Variants in DCAF16 observed in about 807,000 individuals in gnomAD.
The protein encoded by DCAF16 is DDB1 and CUL4 associated factor 16.
A neutral mutation model predicts 17.3 loss-of-function variants in DCAF16; 10 were observed. The ratio of observed to expected loss-of-function variants is 0.58; its 90% CI spans 0.36 to 0.98. The LOEUF is 0.98. Among genes scored for constraint, DCAF16 ranks in the 50% least tolerant of loss-of-function variants. DCAF16 has a pLI of 0.01. For synonymous variants in DCAF16, 111 were observed against 92.8 expected (o/e 1.20, Z -1.12); for missense variants, 249 against 247.6 (o/e 1.01, Z -0.04).
At position 17,804,328 on chromosome 4, in the gene DCAF16, T is replaced by C. The variant is rs1226774162; in HGVS notation, c.-187A>G. On this transcript the variant is annotated 5_prime_UTR_variant, in exon 3 of 3. Transcript: ENST00000382247. ...ACTGTGCCGTTCTTCAAGATTATGTTGTATATTCTTCACTTACAAAGAAGA... is the reference window on the plus strand; with the variant it reads ...ACTGTGCCGTTCTTCAAGATTATGTCGTATATTCTTCACTTACAAAGAAGA... The C allele has an allele frequency of 3.3e-6, 2 of 611,864 alleles. No homozygotes were observed. Among genetic ancestry groups the C allele is most frequent in the Non-Finnish European group, 5.9e-6 (2 of 339,914 alleles). 37.9% of individuals were successfully genotyped at this position (611,864 alleles called of 1,614,324 possible).
At chr4:17,793,941 C>T in the DCAF16 span, among the ~76,000 whole-genome samples, 1 of 152,046 alleles carries the variant, frequency 6.6e-6, no homozygotes, top group Non-Finnish European at 1.5e-5. Flanking sequence ...GCATACATAT[C>T]ACTTGCAAGT....
chr4:17,798,208 C>T (rs774296541), downstream of DCAF16, among the ~76,000 whole-genome samples: 9 of 151,724 alleles, frequency 5.9e-5, no homozygotes, highest in Non-Finnish European at 1.0e-4. Context: ...CAGTCAACTT[C>T]GTTTTATGAT....
chr4:17,800,193 A>C (rs1157269958), downstream of DCAF16, among the ~76,000 whole-genome samples: 38 of 152,116 alleles, frequency 2.5e-4, no homozygotes, highest in Admixed American at 2.5e-3. Flanking sequence ...AGAAAGTAAA[A>C]GACAGTTAAT....
chr4:17,794,270 T>C, the DCAF16 span, among the ~76,000 whole-genome samples: 1 of 152,196 alleles, frequency 6.6e-6, no homozygotes, highest in African/African-American at 2.4e-5. Flanking sequence ...ATCTTTGGGA[T>C]GGGAAGTCTA....
At chr4:17,793,796 A>G in the DCAF16 span, among the ~76,000 whole-genome samples, 2 of 152,226 alleles carry the variant, frequency 1.3e-5, no homozygotes, top group Non-Finnish European at 1.5e-5. Context: ...ACATGTAAAA[A>G]AATCAAGTAC....
chr4:17,798,618 T>C (rs1719542610), downstream of DCAF16, among the ~76,000 whole-genome samples: 1 of 151,826 alleles, frequency 6.6e-6, no homozygotes, highest in Non-Finnish European at 1.5e-5. Context: ...ATAATAATAA[T>C]AATAAAAGAA....
chr4:17,797,247 TA>T (rs1482046266), downstream of DCAF16, among the ~76,000 whole-genome samples: 31 of 152,344 alleles, frequency 2.0e-4, no homozygotes, highest in African/African-American at 7.2e-4. Context: ...AACATATTTA[TA>T]GGGTTGCAGA....
At position 17,810,606 on chromosome 4, in the gene DCAF16, C is replaced by G. The variant is rs1457317660; in HGVS notation, c.-909G>C. 1 of 152,786 alleles carries G rather than the reference C, an allele frequency of 6.5e-6. No individual in the cohort carries two copies. Among genetic ancestry groups the G allele is most frequent in the Non-Finnish European group, 1.5e-5 (1 of 68,438 alleles). The allele number at this position is 152,786 out of a possible 1,614,324, so 9.5% of individuals were successfully genotyped here. On this transcript the variant is annotated 5_prime_UTR_variant, in exon 1 of 3. Transcript: ENST00000382247. The stretch of plus-strand genomic sequence containing the variant: ...CTTCGGCCACAAGGGAGGTTGTTAT[C>G]CTCGGCAGATCTCCCGTTCTCACTC...
downstream of DCAF16, among the ~76,000 whole-genome samples, chr4:17,800,173 A>G (rs1669988917): frequency 6.6e-6 from 1 of 151,146 alleles, no homozygotes; most frequent in East Asian, 1.9e-4. Context: ...AAAGTTGCCT[A>G]TCTGCACTGA....
downstream of DCAF16, among the ~76,000 whole-genome samples, chr4:17,799,438 T>C (rs1719590667): frequency 6.6e-6 from 1 of 152,276 alleles, no homozygotes; most frequent in Non-Finnish European, 1.5e-5. Flanking sequence ...TCCCAGTGTC[T>C]GCACTAGAGT....
chr4:17,797,094 C>G (rs940071772), downstream of DCAF16, among the ~76,000 whole-genome samples: 1 of 152,086 alleles, frequency 6.6e-6, no homozygotes, highest in African/African-American at 2.4e-5. Context: ...TCCTGAGTAG[C>G]TAGGACTACG....
At chr4:17,799,212 A>C (rs970701948), downstream of DCAF16, among the ~76,000 whole-genome samples, 1 of 152,184 alleles carries the variant, frequency 6.6e-6, no homozygotes, top group Non-Finnish European at 1.5e-5. Context: ...TGCCCTCCAG[A>C]TGAATCTTCA....
chr4:17,806,307 G>T (rs1720317666), intron 1 of DCAF16, among the ~76,000 whole-genome samples: 1 of 151,976 alleles, frequency 6.6e-6, no homozygotes, highest in African/African-American at 2.4e-5. Context: ...CCTAAAAGTT[G>T]GTACTTTTAT....
the DCAF16 span, among the ~76,000 whole-genome samples, chr4:17,794,475 G>T: frequency 6.6e-6 from 1 of 152,034 alleles, no homozygotes; most frequent in African/African-American, 2.4e-5. Flanking sequence ...CAAATTTTTG[G>T]ATTAGGAATG....
chr4:17,799,373 T>C (rs544314022), downstream of DCAF16, among the ~76,000 whole-genome samples: 4 of 152,320 alleles, frequency 2.6e-5, no homozygotes, highest in African/African-American at 9.6e-5. Context: ...AACATATAGG[T>C]TCATATATTT....
chr4:17,800,317 T>C (rs1381559585), downstream of DCAF16, among the ~76,000 whole-genome samples: 3 of 152,216 alleles, frequency 2.0e-5, no homozygotes, highest in Non-Finnish European at 2.9e-5. Flanking sequence ...GAAGCCAACA[T>C]AGGGAGTGCA....
downstream of DCAF16, among the ~76,000 whole-genome samples, chr4:17,798,310 CTTTTTTTTTT>C (rs61478198): frequency 3.0e-5 from 4 of 131,252 alleles, no homozygotes; most frequent in South Asian, 7.2e-4. Flanking sequence ...TGTTATTTTC[CTTTTTTTTTT>C]TTTTTTTTTT....
downstream of DCAF16, among the ~76,000 whole-genome samples, chr4:17,796,117 T>A (rs1719414490): frequency 6.6e-6 from 1 of 152,216 alleles, no homozygotes; most frequent in Non-Finnish European, 1.5e-5. Flanking sequence ...CAATAAGGCT[T>A]CAGTCATCTG....
Position 17,801,252 on chromosome 4 carries a change from C to T in DCAF16, c.*2239G>A, listed in dbSNP as rs1719747029. 6.6e-6 allele frequency: 1 copy of T among 152,124 alleles called. No homozygotes were observed. Among genetic ancestry groups the T allele is most frequent in the Admixed American group, 6.6e-5 (1 of 15,266 alleles). The allele number at this position is 152,124 out of a possible 1,614,324, so 9.4% of individuals were successfully genotyped here. A position where few individuals can be genotyped will look rare whatever the true frequency, so the allele number is the denominator to read the frequency against. On this transcript the variant is annotated 3_prime_UTR_variant, in exon 3 of 3. Coordinates refer to ENST00000382247, the MANE Select transcript of DCAF16 (RefSeq NM_017741.4). ...CAAGCAATTCTCCTGTCTTAGCCTCCCAAGTAGCTGCGATTACAGGCACAT... is the reference window on the plus strand; with the variant it reads ...CAAGCAATTCTCCTGTCTTAGCCTCTCAAGTAGCTGCGATTACAGGCACAT...
Sources: gnomAD v4.1 joint callset for allele counts (sites outside exome capture counted in the v4.1 genomes callset) on GRCh38, gnomAD v4.1.1 for gene constraint, MANE v1.5 for transcripts, NCBI Gene and HGNC (gene_info 2026-07-23, HGNC 2026-07-21) for gene names.